The following BAZ2B variants were observed in gnomAD, a reference collection of about 807,000 sequenced individuals.
The protein encoded by BAZ2B is bromodomain adjacent to zinc finger domain 2B.
In BAZ2B, 91 loss-of-function variants were observed where a neutral mutation model predicts 246.0. The ratio of observed to expected loss-of-function variants is 0.37; its 90% confidence interval spans 0.31 to 0.44. The LOEUF (loss-of-function observed/expected upper bound fraction) is 0.44. Among genes scored for constraint, BAZ2B ranks in the 20% least tolerant of loss-of-function variants. The pLI is 1.00. For synonymous variants in BAZ2B, 855 were observed against 860.0 expected (o/e 0.99, Z 0.10); for missense variants, 2,332 against 2,533.7 (o/e 0.92, Z 1.71).
intron 2 of BAZ2B, among the ~76,000 whole-genome samples, chr2:159,521,509 A>G (rs1422969234): frequency 1.3e-5 from 2 of 152,080 alleles, no homozygotes; most frequent in Non-Finnish European, 2.9e-5. Flanking sequence ...GAGATTTGCT[A>G]ATGAAATCAA....
the BAZ2B span, chr2:159,712,093 GAAA>G: frequency 0.044 from 5,454 of 123,284 alleles, 342 homozygotes; most frequent in Admixed American, 0.2. Flanking sequence ...GCCAGAAAAA[GAAA>G]AAAAAAAAAA....
chr2:159,512,187 G>A (rs1034713493), intron 2 of BAZ2B, among the ~76,000 whole-genome samples: 3 of 152,106 alleles, frequency 2.0e-5, no homozygotes, highest in African/African-American at 7.2e-5. Flanking sequence ...GTTTGACATG[G>A]CTTTGTAAAA....
At chr2:159,431,202 C>G (rs1259172382) in intron 9 of BAZ2B, 46 bp from the exon 10 acceptor site, 4 of 1,540,046 alleles carry the variant, frequency 2.6e-6, no homozygotes, top group Admixed American at 2.0e-5. Context: ...AGATAATCAC[C>G]AATAATTTGC....
intron 1 of BAZ2B, among the ~76,000 whole-genome samples, chr2:159,579,480 G>A (rs565229721): frequency 1.9e-4 from 29 of 152,212 alleles, no homozygotes; most frequent in African/African-American, 5.3e-4. Flanking sequence ...ATTCACAGCC[G>A]AATTCTACCA....
At chr2:159,444,315 T>C (rs1312901460) in intron 6 of BAZ2B, 1 of 152,040 alleles carries the variant, frequency 6.6e-6, no homozygotes, top group African/African-American at 2.4e-5. Context: ...TGGTGTAGGT[T>C]GAAAGGGAAA....
At chr2:159,663,939 A>G in the BAZ2B span, among the ~76,000 whole-genome samples, 3 of 102,776 alleles carry the variant, frequency 2.9e-5, no homozygotes, top group Admixed American at 1.1e-4. Flanking sequence ...GGTTAGTTAC[A>G]TATGTATACA....
chr2:159,680,422 A>G, the BAZ2B span, among the ~76,000 whole-genome samples: 4 of 152,222 alleles, frequency 2.6e-5, no homozygotes, highest in African/African-American at 9.6e-5. Context: ...TTTATTTCCT[A>G]TATTCTAAAA....
At chr2:159,568,771 A>T (rs975599346) in intron 1 of BAZ2B, among the ~76,000 whole-genome samples, 3 of 152,170 alleles carry the variant, frequency 2.0e-5, no homozygotes, top group Non-Finnish European at 4.4e-5. Flanking sequence ...AAGTGAAAAT[A>T]ACACTTCTGA....
At chr2:159,673,974 T>C in the BAZ2B span, among the ~76,000 whole-genome samples, 1 of 152,172 alleles carries the variant, frequency 6.6e-6, no homozygotes, top group African/African-American at 2.4e-5. Context: ...ATTTCATTGA[T>C]TACATATTTT....
chr2:159,416,906 A>G (rs1328669005), intron 13 of BAZ2B, among the ~76,000 whole-genome samples: 3 of 152,208 alleles, frequency 2.0e-5, no homozygotes, highest in African/African-American at 7.2e-5. Context: ...AGCCAAAATA[A>G]TTGTGGGTGA....
At chr2:159,410,409 G>T (rs1053646078) in intron 14 of BAZ2B, among the ~76,000 whole-genome samples, 4 of 152,198 alleles carry the variant, frequency 2.6e-5, no homozygotes, top group Non-Finnish European at 2.9e-5. Flanking sequence ...TGGATCATGA[G>T]GGGGTTTCCC....
intron 2 of BAZ2B, among the ~76,000 whole-genome samples, chr2:159,530,649 C>A (rs986279295): frequency 4.6e-5 from 7 of 152,054 alleles, no homozygotes; most frequent in Non-Finnish European, 1.0e-4. Flanking sequence ...CTCCATTCAT[C>A]AAAATTTTTC....
intron 2 of BAZ2B, among the ~76,000 whole-genome samples, chr2:159,502,864 T>C (rs1474124929): frequency 6.6e-6 from 1 of 152,198 alleles, no homozygotes; most frequent in Non-Finnish European, 1.5e-5. Context: ...GCTCGTCCAT[T>C]TAGTAATCTT....
chr2:159,488,278 G>T (rs971107278), intron 2 of BAZ2B, among the ~76,000 whole-genome samples: 10 of 151,968 alleles, frequency 6.6e-5, no homozygotes, highest in Admixed American at 1.3e-4. Context: ...TCACCATGTT[G>T]CCCAGGCTGG....
At chr2:159,348,536 G>C in intron 30 of BAZ2B, 142 bp downstream of exon 30, 1 of 984,630 alleles carries the variant, frequency 1.0e-6, no homozygotes, top group Non-Finnish European at 1.4e-6. Context: ...TTCTTTGACT[G>C]TTTGATCTGC....
intron 2 of BAZ2B, among the ~76,000 whole-genome samples, chr2:159,532,765 T>C (rs879862830): frequency 1.5e-4 from 23 of 152,182 alleles, no homozygotes; most frequent in Admixed American, 5.9e-4. Context: ...TGTGTCAAGA[T>C]GTCAAATGAT....
At chr2:159,493,004 A>C (rs917593539) in intron 2 of BAZ2B, among the ~76,000 whole-genome samples, 3 of 152,228 alleles carry the variant, frequency 2.0e-5, no homozygotes, top group Non-Finnish European at 4.4e-5. Flanking sequence ...TTTGATCCTC[A>C]AAATACAGTA....
chr2:159,386,576 A>G lies in BAZ2B; in HGVS notation c.3248T>C (p.Leu1083Pro). ...TGAAAATGTACTTCCAGAGAGAACA[A>G]GTCCTGGAATACGAGGCAACTCTGG... is the stretch of plus-strand genomic sequence containing the variant. ...PLPELPRIPG[L>P]VLSGSTFSDC... The change falls in exon 22 of 37, where the codon CTT (leucine) becomes CCT (proline). Residue 1083 changes from leucine (L) to proline (P), a missense_variant. Physicochemically the swap from Leu to Pro is moderately conservative, Grantham distance 98 (BLOSUM62 -3). This residue lies in a region of BAZ2B where 328 missense variants were observed against 410.4 expected (regional missense o/e 0.80). Coordinates refer to ENST00000392783, the MANE Select transcript of BAZ2B (RefSeq NM_013450.4). 1 of 1,611,658 alleles carries G rather than the reference A, an allele frequency of 6.2e-7. No homozygotes were observed. The highest frequency in any genetic ancestry group is 8.5e-7 in the Non-Finnish European group (1 of 1,179,010).
At chr2:159,663,210 C>CT in the BAZ2B span, among the ~76,000 whole-genome samples, 668 of 130,374 alleles carry the variant, frequency 5.1e-3, no homozygotes, top group Middle Eastern at 0.015. Context: ...TCTTTTTTTT[C>CT]TTTTTTTTTT....
Sources: gnomAD v4.1 joint callset for allele counts (sites outside exome capture counted in the v4.1 genomes callset) on GRCh38, gnomAD v4.1.1 for gene constraint, gnomAD v4.1.1 regional missense constraint, MANE v1.5 for transcripts, NCBI Gene and HGNC (gene_info 2026-07-23, HGNC 2026-07-21) for gene names.